DLGAP2: variants seen among roughly 807,000 people sequenced by gnomAD.
DLGAP2 encodes the protein disks large-associated protein 2.
In DLGAP2, 26 loss-of-function variants were observed where a neutral mutation model predicts 100.3. The observed-to-expected ratio is 0.26, with a 90% CI of 0.19 to 0.36. DLGAP2 has a LOEUF of 0.36. Among genes scored for constraint, DLGAP2 ranks in the 10% least tolerant of loss-of-function variants. DLGAP2 has a pLI of 1.00. For missense variants in DLGAP2, 1,858 were observed against 1,453.2 expected, an observed-to-expected ratio of 1.28 and a Z score of -4.53; for synonymous variants, 886 against 630.1, an observed-to-expected ratio of 1.41 and a Z score of -6.08.
At chr8:1,449,189 C>T (rs1485331340) in intron 3 of DLGAP2, among the ~76,000 whole-genome samples, 1 of 152,224 alleles carries the variant, frequency 6.6e-6, no homozygotes, top group Admixed American at 6.5e-5. Flanking sequence ...GACCACACAG[C>T]ACAGTTCTCA....
intron 3 of DLGAP2, among the ~76,000 whole-genome samples, chr8:1,406,747 A>G (rs1186444965): frequency 0.012 from 38 of 3,152 alleles, no homozygotes; most frequent in Admixed American, 0.012. Context: ...CCGGAGTCGT[A>G]TATTGAGTGC....
chr8:1,517,800 A>G (rs2130401641), intron 4 of DLGAP2, among the ~76,000 whole-genome samples: 1 of 152,314 alleles, frequency 6.6e-6, no homozygotes, highest in South Asian at 2.1e-4. Context: ...TAGGGATCAC[A>G]AATGTGTGTT....
chr8:853,092 G>A (rs1797211524), intron 1 of DLGAP2, among the ~76,000 whole-genome samples: 1 of 152,234 alleles, frequency 6.6e-6, no homozygotes, highest in South Asian at 2.1e-4. Context: ...TAGAGTATGA[G>A]TCTAACATTG....
intron 2 of DLGAP2, among the ~76,000 whole-genome samples, chr8:1,079,128 T>C (rs1282337270): frequency 6.6e-6 from 1 of 152,202 alleles, no homozygotes; most frequent in Non-Finnish European, 1.5e-5. Context: ...TCTTGATTTA[T>C]TTTGCATTTC....
intron 2 of DLGAP2, among the ~76,000 whole-genome samples, chr8:1,216,714 G>A (rs1190148447): frequency 4.6e-5 from 7 of 151,874 alleles, no homozygotes; most frequent in Non-Finnish European, 4.4e-5. Flanking sequence ...ATATTACCTA[G>A]CCCTCCCTTT....
At chr8:1,439,283 G>C (rs959590507) in intron 3 of DLGAP2, among the ~76,000 whole-genome samples, 1 of 152,208 alleles carries the variant, frequency 6.6e-6, no homozygotes, top group Non-Finnish European at 1.5e-5. Flanking sequence ...AAGAGGGAAG[G>C]GAAGGAGGGA....
At chr8:1,435,820 C>G (rs1463604308) in intron 3 of DLGAP2, among the ~76,000 whole-genome samples, 1 of 151,742 alleles carries the variant, frequency 6.6e-6, no homozygotes, top group Non-Finnish European at 1.5e-5. Context: ...AGTCCTGACC[C>G]TGCGCAGGTA....
intron 2 of DLGAP2, among the ~76,000 whole-genome samples, chr8:1,051,291 A>G (rs944954304): frequency 2.0e-5 from 3 of 152,078 alleles, no homozygotes; most frequent in African/African-American, 7.2e-5. Context: ...AGCATTTTTC[A>G]GCAGCACTCA....
chr8:1,490,007 T>A (rs1167910561), intron 3 of DLGAP2, among the ~76,000 whole-genome samples: 1 of 152,150 alleles, frequency 6.6e-6, no homozygotes, highest in Non-Finnish European at 1.5e-5. Context: ...TTCTCCTGCC[T>A]CAGCCTCCCG....
intron 3 of DLGAP2, among the ~76,000 whole-genome samples, chr8:1,315,229 A>G (rs568727425): frequency 1.4e-3 from 217 of 151,206 alleles, no homozygotes; most frequent in Middle Eastern, 3.5e-3. Flanking sequence ...GTGTGCAAGT[A>G]CAGTGTCTCT....
chr8:880,111 G>T (rs1308985471), intron 1 of DLGAP2, among the ~76,000 whole-genome samples: 1 of 152,138 alleles, frequency 6.6e-6, no homozygotes, highest in African/African-American at 2.4e-5. Flanking sequence ...TGAGAGGGGT[G>T]AGGGGAAGTT....
At chr8:1,493,834 T>A (rs1563181573) in intron 3 of DLGAP2, among the ~76,000 whole-genome samples, 1 of 151,322 alleles carries the variant, frequency 6.6e-6, no homozygotes, top group Non-Finnish European at 1.5e-5. Context: ...CGACCCTGCT[T>A]CTTACCCTGA....
At chr8:841,850 A>G (rs1796989349) in intron 1 of DLGAP2, among the ~76,000 whole-genome samples, 1 of 152,158 alleles carries the variant, frequency 6.6e-6, no homozygotes, top group South Asian at 2.1e-4. Context: ...TTCATATCAC[A>G]TTTGTGTCTC....
chr8:1,477,717 CAT>C (rs1473006434), intron 3 of DLGAP2, among the ~76,000 whole-genome samples: 1 of 151,280 alleles, frequency 6.6e-6, no homozygotes, highest in Non-Finnish European at 1.5e-5. Context: ...CATGTTTAAA[CAT>C]ATGGATTATT....
At position 1,437,427 on chromosome 8, in the gene DLGAP2, T is replaced by C. The variant is rs1370959781; in HGVS notation, c.107-63939T>C. On this transcript the variant is annotated intron_variant, in intron 3 of 14. Coordinates refer to ENST00000637795, the MANE Select transcript of DLGAP2 (RefSeq NM_001346810.2). Reference sequence around the variant, plus strand: ...ACTTATTACTTGTAATGATGGAACGTAGAACCCCACTGGTTTGTAGCGTAA... The same window carrying C: ...ACTTATTACTTGTAATGATGGAACGCAGAACCCCACTGGTTTGTAGCGTAA... Among the ~76,000 whole-genome samples the C allele has an allele frequency of 3.9e-5, 6 of 152,344 alleles. No individual in the cohort carries two copies. In the East Asian group the frequency reaches 9.6e-4, roughly 24 times the overall value.
At chr8:982,868 A>G (rs1344419712) in intron 2 of DLGAP2, among the ~76,000 whole-genome samples, 1 of 146,756 alleles carries the variant, frequency 6.8e-6, no homozygotes, top group Non-Finnish European at 1.5e-5. Flanking sequence ...ACACTCTAGG[A>G]ATTTTAAAGG....
At chr8:1,592,470 G>C (rs765146602) in intron 6 of DLGAP2, among the ~76,000 whole-genome samples, 2 of 152,018 alleles carry the variant, frequency 1.3e-5, no homozygotes, top group African/African-American at 4.8e-5. Flanking sequence ...ATATGGTCCT[G>C]TTGCACATTT....
chr8:1,666,089 C>G (rs140800775), intron 8 of DLGAP2, among the ~76,000 whole-genome samples: 158 of 152,328 alleles, frequency 1.0e-3, no homozygotes, highest in African/African-American at 3.8e-3. Flanking sequence ...CGAAATATTT[C>G]CTAACCCAGG....
intron 1 of DLGAP2, among the ~76,000 whole-genome samples, chr8:791,146 A>T (rs1822016460): frequency 1.3e-5 from 2 of 152,262 alleles, no homozygotes; most frequent in East Asian, 1.9e-4. Flanking sequence ...TAATGCAAGC[A>T]CATTGCAGAA....
Sources: gnomAD v4.1 joint callset for allele counts (sites outside exome capture counted in the v4.1 genomes callset) on GRCh38, gnomAD v4.1.1 for gene constraint, MANE v1.5 for transcripts, NCBI Gene and HGNC (gene_info 2026-07-23, HGNC 2026-07-21) for gene names.